The following SGCD variants were observed in gnomAD, a reference collection of about 807,000 sequenced individuals.
The protein encoded by SGCD is delta-sarcoglycan.
A neutral mutation model predicts 36.6 loss-of-function variants in SGCD; 18 were observed. The ratio of observed to expected loss-of-function variants is 0.49; its 90% confidence interval spans 0.34 to 0.73. SGCD has a LOEUF of 0.73. Ranked by LOEUF, SGCD falls within the 30% of genes least tolerant of loss-of-function variation. The probability of loss-of-function intolerance (pLI) is 0.01; values close to 1 mark genes in which losing one functional copy is unlikely to be tolerated. For synonymous variants in SGCD, 133 were observed against 130.6 expected (o/e 1.02, Z -0.12); for missense variants, 387 against 346.7 (o/e 1.12, Z -0.92).
chr5:156,308,207 GA>G (rs2127688730), intron 3 of SGCD, among the ~76,000 whole-genome samples: 1 of 152,138 alleles, frequency 6.6e-6, no homozygotes, highest in South Asian at 2.1e-4. Flanking sequence ...GGAGGTCTCA[GA>G]AAACTTACAA....
intron 6 of SGCD, among the ~76,000 whole-genome samples, chr5:156,607,788 C>G (rs186064444): frequency 6.6e-5 from 10 of 152,178 alleles, no homozygotes; most frequent in African/African-American, 2.2e-4. Flanking sequence ...GTGTATGTGT[C>G]CAGGAATTTA....
intron 3 of SGCD, among the ~76,000 whole-genome samples, chr5:156,444,115 T>TCC (rs1474832394): frequency 2.3e-4 from 17 of 72,796 alleles, no homozygotes; most frequent in South Asian, 5.5e-4. Context: ...TCTCTCTCTC[T>TCC]CCCCTTCCCT....
intron 3 of SGCD, among the ~76,000 whole-genome samples, chr5:156,459,587 A>G: frequency 6.6e-6 from 1 of 152,148 alleles, no homozygotes; most frequent in Admixed American, 6.6e-5. Context: ...GTCTTCTCTC[A>G]TGTTTTAAAG....
rs566786618 is a variant in SGCD at position 156,366,643 on chromosome 5, T to G, written c.192+21966T>G. Reference sequence around the variant, plus strand: ...AGAAATTCCTAAGAATGAGAGAAATTCTTGAGGAAGAGGCTAGAACTGGAG... The same window carrying G: ...AGAAATTCCTAAGAATGAGAGAAATGCTTGAGGAAGAGGCTAGAACTGGAG... On this transcript the variant is annotated intron_variant, in intron 3 of 8. Coordinates refer to ENST00000337851, the MANE Select transcript of SGCD (RefSeq NM_000337.6). Among the ~76,000 whole-genome samples the G allele has an allele frequency of 7.4e-4, 112 of 152,232 alleles. 1 individual carries two copies. The highest frequency in any genetic ancestry group is 2.6e-3 in the African/African-American group (108 of 41,540).
chr5:156,381,551 T>C (rs1489943004), intron 3 of SGCD, among the ~76,000 whole-genome samples: 1 of 151,374 alleles, frequency 6.6e-6, no homozygotes, highest in African/African-American at 2.4e-5. Context: ...TTTGTTCTAC[T>C]AGGTAAATGT....
intron 1 of SGCD, among the ~76,000 whole-genome samples, chr5:155,896,277 A>G (rs1323264383): frequency 6.6e-6 from 1 of 152,100 alleles, no homozygotes; most frequent in Non-Finnish European, 1.5e-5. Context: ...ATTAACTTGA[A>G]CACTTTAGCC....
At chr5:156,397,536 C>A (rs1771925852) in intron 3 of SGCD, among the ~76,000 whole-genome samples, 1 of 152,098 alleles carries the variant, frequency 6.6e-6, no homozygotes, top group Admixed American at 6.5e-5. Context: ...GACCAGAACT[C>A]AAATTGTCCA....
At chr5:155,822,980 A>AT in the SGCD span, among the ~76,000 whole-genome samples, 1,582 of 152,134 alleles carry the variant, frequency 0.01, 34 homozygotes, top group African/African-American at 0.037. Flanking sequence ...CCAATACAGG[A>AT]TATTTACATA....
chr5:155,808,071 A>G, the SGCD span, among the ~76,000 whole-genome samples: 3 of 152,192 alleles, frequency 2.0e-5, no homozygotes, highest in Non-Finnish European at 4.4e-5. Flanking sequence ...TTGGCACTGA[A>G]GTCCCCTGTA....
intron 3 of SGCD, among the ~76,000 whole-genome samples, chr5:156,445,812 G>T (rs974409112): frequency 6.6e-6 from 1 of 151,760 alleles, no homozygotes; most frequent in Non-Finnish European, 1.5e-5. Flanking sequence ...ACACACACAC[G>T]CACATGCACA....
chr5:156,296,469 A>G (rs1302842196), intron 3 of SGCD, among the ~76,000 whole-genome samples: 1 of 152,232 alleles, frequency 6.6e-6, no homozygotes. Flanking sequence ...ATTTATAGCT[A>G]TAAATTTACA....
intron 5 of SGCD, among the ~76,000 whole-genome samples, chr5:156,592,149 T>C (rs1216492668): frequency 1.3e-5 from 2 of 151,294 alleles, no homozygotes; most frequent in Non-Finnish European, 2.9e-5. Context: ...TGTCCTTAAC[T>C]CCTCAGGGAC....
At chr5:156,394,087 T>C (rs984791840) in intron 3 of SGCD, among the ~76,000 whole-genome samples, 1 of 152,152 alleles carries the variant, frequency 6.6e-6, no homozygotes, top group Non-Finnish European at 1.5e-5. Flanking sequence ...GAGAATACAA[T>C]ATGTGGAGTA....
At chr5:156,227,879 G>T (rs942600611) in intron 3 of SGCD, among the ~76,000 whole-genome samples, 3 of 151,962 alleles carry the variant, frequency 2.0e-5, no homozygotes, top group African/African-American at 7.3e-5. Flanking sequence ...TTTAATTTCC[G>T]TCTTGATTTC....
At chr5:156,186,217 A>G (rs1272726085) in intron 3 of SGCD, among the ~76,000 whole-genome samples, 2 of 152,090 alleles carry the variant, frequency 1.3e-5, no homozygotes, top group Non-Finnish European at 2.9e-5. Flanking sequence ...TCTGGTGCAA[A>G]GTGAAGGTAA....
At chr5:156,622,704 G>C (rs971660221) in intron 6 of SGCD, among the ~76,000 whole-genome samples, 4 of 152,116 alleles carry the variant, frequency 2.6e-5, no homozygotes, top group African/African-American at 9.7e-5. Context: ...TGGACAAAGG[G>C]GGGTGTGAGC....
Position 156,242,544 on chromosome 5 carries a change from T to TA in SGCD, c.-43-86990_-43-86989insA, listed in dbSNP as rs1344091462. ...TTATATTAATGTCAATCTCCTAGTT[T>TA]GTGATTTTACATTACAGTTTTGTAA... is the stretch of plus-strand genomic sequence containing the variant. On this transcript the variant is annotated intron_variant, in intron 3 of 9. Coordinates refer to the SGCD transcript ENST00000517913. Among the ~76,000 whole-genome samples the TA allele has an allele frequency of 4.6e-5, 7 of 152,334 alleles. No individual in the cohort carries two copies. In the East Asian group the frequency reaches 1.3e-3, roughly 29 times the overall value.
the SGCD span, among the ~76,000 whole-genome samples, chr5:155,728,234 C>T: frequency 2.0e-5 from 3 of 152,056 alleles, no homozygotes; most frequent in African/African-American, 7.2e-5. Context: ...GGAGCGCGCA[C>T]ACCGGGACTC....
intron 4 of SGCD, among the ~76,000 whole-genome samples, chr5:156,548,756 T>G (rs1758678418): frequency 6.6e-6 from 1 of 152,074 alleles, no homozygotes; most frequent in African/African-American, 2.4e-5. Context: ...CAGTCACTGG[T>G]GATGGTGAGT....
Sources: allele counts gnomAD v4.1 joint callset (sites outside exome capture counted in the v4.1 genomes callset), GRCh38; gene constraint gnomAD v4.1.1; transcripts MANE v1.5; gene names NCBI Gene and HGNC (gene_info 2026-07-23, HGNC 2026-07-21).